ZMYM4: variants seen among roughly 807,000 people sequenced by gnomAD.
The protein encoded by ZMYM4 is zinc finger MYM-type protein 4.
In ZMYM4, 31 loss-of-function variants were observed where a neutral mutation model predicts 183.2. The ratio of observed to expected loss-of-function variants is 0.17; its 90% CI spans 0.13 to 0.23. ZMYM4 has a LOEUF of 0.23. ZMYM4 is among the 10% of genes least tolerant of loss of function. The pLI, the probability that ZMYM4 is intolerant of heterozygous loss-of-function variation, is 1.00. For synonymous variants in ZMYM4, 592 were observed against 631.2 expected (o/e 0.94, Z 0.93); for missense variants, 1,273 against 1,840.3 (o/e 0.69, Z 5.64).
Position 35,398,788 on chromosome 1 carries a change from G to T in ZMYM4, c.3254-76G>T, listed in dbSNP as rs1056063474. On this transcript the variant is annotated intron_variant, in intron 21 of 29. Coordinates refer to ENST00000314607, the MANE Select transcript of ZMYM4 (RefSeq NM_005095.3). ...GTATCTCATTTTTTGGTATTTAGGG[G>T]TTCAGGAAGTTTTCCGAGCATGTCA... 8.0e-6 allele frequency: 12 copies of T among 1,502,180 alleles called. No individual in the cohort carries two copies. The African/African-American group carries it at 1.5e-4, about 19-fold the overall frequency. The allele number at this position is 1,502,180 out of a possible 1,614,324, so 93.1% of individuals were successfully genotyped here.
chr1:35,287,659 G>A (rs528051175), intron 1 of ZMYM4, among the ~76,000 whole-genome samples: 84 of 152,136 alleles, frequency 5.5e-4, no homozygotes, highest in African/African-American at 2.0e-3. Context: ...AGGCTGGAAT[G>A]CAGTGACGCA....
chr1:35,302,109 C>T (rs1641305164), intron 1 of ZMYM4, among the ~76,000 whole-genome samples: 2 of 151,054 alleles, frequency 1.3e-5, no homozygotes, highest in South Asian at 4.2e-4. Context: ...AGCGCAGTCT[C>T]TAGAACAAGG....
Position 35,268,987 on chromosome 1 carries a change from G to A in ZMYM4, c.-60G>A, listed in dbSNP as rs1639446285. The A allele has an allele frequency of 5.3e-6, 8 of 1,496,790 alleles. No homozygotes were observed. The highest frequency in any genetic ancestry group is 2.4e-4 in the Middle Eastern group (1 of 4,232). 92.7% of individuals were successfully genotyped at this position (1,496,790 alleles called of 1,614,324 possible). On this transcript the variant is annotated 5_prime_UTR_variant, in exon 1 of 30. Transcript: ENST00000314607. ...CCTGCAGTGTGGGCGGGGGCCGGGG[G>A]GCCGAGAGGTACCGCCGCCACCGCG... is the stretch of plus-strand genomic sequence containing the variant.
chr1:35,284,163 A>G (rs1640349490), intron 1 of ZMYM4, among the ~76,000 whole-genome samples: 1 of 151,436 alleles, frequency 6.6e-6, no homozygotes, highest in South Asian at 2.1e-4. Context: ...TTTTTAGTAG[A>G]GACGGGGTTT....
At chr1:35,345,669 A>C (rs972701567) in intron 2 of ZMYM4, among the ~76,000 whole-genome samples, 7 of 152,118 alleles carry the variant, frequency 4.6e-5, no homozygotes, top group African/African-American at 1.4e-4. Context: ...CTGGCCTTGA[A>C]TTCCTGGGCT....
intron 1 of ZMYM4, among the ~76,000 whole-genome samples, chr1:35,320,056 A>G (rs948515322): frequency 2.5e-4 from 38 of 152,214 alleles, no homozygotes; most frequent in Non-Finnish European, 2.5e-4. Flanking sequence ...TGATACTGTG[A>G]TATAATAGGA....
intron 2 of ZMYM4, among the ~76,000 whole-genome samples, chr1:35,342,702 A>AG (rs1643247120): frequency 2.6e-5 from 4 of 151,974 alleles, no homozygotes; most frequent in Admixed American, 6.6e-5. Flanking sequence ...ACAGGGTCTC[A>AG]GTCAGTTGCC....
chr1:35,403,932 C>T (rs1644957384), intron 23 of ZMYM4, among the ~76,000 whole-genome samples: 1 of 152,140 alleles, frequency 6.6e-6, no homozygotes, highest in African/African-American at 2.4e-5. Flanking sequence ...TTGTCCATTT[C>T]ATCTAAGTTG....
rs1570437473 is a variant in ZMYM4 at position 35,361,637 on chromosome 1, G to A, written c.688G>A (p.Ala230Thr). 5 of 1,612,118 alleles carry A rather than the reference G, an allele frequency of 3.1e-6. No homozygotes were observed. Among genetic ancestry groups the A allele is most frequent in the South Asian group, 1.1e-5 (1 of 90,672 alleles). Residue 230 changes from alanine (A) to threonine (T), a missense_variant, in exon 5 of 30, where the codon GCC becomes ACC. This residue lies in a region of ZMYM4 where 384 missense variants were observed against 465.6 expected (regional missense o/e 0.82). Coordinates refer to ENST00000314607, the MANE Select transcript of ZMYM4 (RefSeq NM_005095.3). ...GTTTTAGGATTCCAGCTACCCATTT[G>A]CCAATAAAGAATCCATTGGTTCGGA... ...TNFRDSSYPF[A>T]NKESIGSELG... is the part of the protein sequence containing the mutation.
intron 1 of ZMYM4, among the ~76,000 whole-genome samples, chr1:35,300,873 T>G (rs1026993962): frequency 1.3e-5 from 2 of 152,218 alleles, no homozygotes; most frequent in African/African-American, 4.8e-5. Context: ...AATTTCTGGA[T>G]CTGTTTCTGT....
At chr1:35,403,837 G>T (rs1189576907) in intron 23 of ZMYM4, among the ~76,000 whole-genome samples, 1 of 152,088 alleles carries the variant, frequency 6.6e-6, no homozygotes, top group South Asian at 2.1e-4. Context: ...TTTTGTGGGA[G>T]GGTTTTAAGC....
intron 1 of ZMYM4, among the ~76,000 whole-genome samples, chr1:35,284,839 T>C (rs1012074995): frequency 6.6e-5 from 10 of 152,158 alleles, no homozygotes; most frequent in Admixed American, 4.6e-4. Flanking sequence ...TAGAAGGGCA[T>C]TAATCACATC....
intron 26 of ZMYM4, among the ~76,000 whole-genome samples, chr1:35,411,906 G>A (rs549281283): frequency 1.3e-5 from 2 of 152,078 alleles, no homozygotes; most frequent in African/African-American, 2.4e-5. Flanking sequence ...TTTTTGAGAC[G>A]GAGTCTCACT....
intron 1 of ZMYM4, among the ~76,000 whole-genome samples, chr1:35,291,969 C>T (rs1640784940): frequency 6.6e-6 from 1 of 151,972 alleles, no homozygotes; most frequent in Admixed American, 6.6e-5. Flanking sequence ...CTTTTTGCAC[C>T]ACATTCCCGC....
At chr1:35,318,054 G>GTTTTTT (rs58071694) in intron 1 of ZMYM4, among the ~76,000 whole-genome samples, 35 of 116,604 alleles carry the variant, frequency 3.0e-4, no homozygotes, top group Non-Finnish European at 4.3e-4. Flanking sequence ...GATTATGGCA[G>GTTTTTT]TTTTTTTTTT....
intron 1 of ZMYM4, among the ~76,000 whole-genome samples, chr1:35,289,326 A>AG (rs1640649171): frequency 6.6e-6 from 1 of 152,178 alleles, no homozygotes; most frequent in Non-Finnish European, 1.5e-5. Context: ...TAATCATTGG[A>AG]GTAGAGTGTA....
intron 26 of ZMYM4, among the ~76,000 whole-genome samples, chr1:35,410,791 A>G (rs1000037998): frequency 1.3e-5 from 2 of 151,488 alleles, no homozygotes; most frequent in African/African-American, 4.9e-5. Context: ...TGCCCGGCCA[A>G]ATTTTTTTTA....
intron 26 of ZMYM4, among the ~76,000 whole-genome samples, chr1:35,412,322 C>A (rs1570554000): frequency 6.6e-6 from 1 of 152,016 alleles, no homozygotes; most frequent in Admixed American, 6.5e-5. Flanking sequence ...CTAAGATTTT[C>A]TATATATAGG....
intron 1 of ZMYM4, among the ~76,000 whole-genome samples, chr1:35,323,643 A>G (rs1214627352): frequency 6.6e-6 from 1 of 151,624 alleles, no homozygotes; most frequent in Non-Finnish European, 1.5e-5. Flanking sequence ...TCCCAGGTTC[A>G]TGCCATTCTC....
Sources: allele counts gnomAD v4.1 joint callset (sites outside exome capture counted in the v4.1 genomes callset), GRCh38; gene constraint gnomAD v4.1.1; regional missense constraint gnomAD v4.1.1; transcripts MANE v1.5; gene names NCBI Gene and HGNC (gene_info 2026-07-23, HGNC 2026-07-21).